AFF2: variants seen among roughly 807,000 people sequenced by gnomAD.
AFF2 encodes ALF transcription elongation factor 2.
A neutral mutation model predicts 76.9 loss-of-function variants in AFF2; 14 were observed. That is an observed-to-expected ratio of 0.18 (90% CI 0.12 to 0.28). The LOEUF (loss-of-function observed/expected upper bound fraction) is 0.28, where lower values mean the gene tolerates loss of function less well. AFF2 is among the 10% of genes least tolerant of loss of function. The pLI, the probability that AFF2 is intolerant of heterozygous loss-of-function variation, is 1.00. For synonymous variants in AFF2, 398 were observed against 366.7 expected (o/e 1.09, Z -0.98); for missense variants, 868 against 1,001.1 (o/e 0.87, Z 1.79).
chrX:148,907,528 G>A (rs1407412804), intron 9 of AFF2, among the ~76,000 whole-genome samples: 11 of 111,226 alleles, frequency 9.9e-5, no homozygotes, highest in Non-Finnish European at 1.3e-4. Flanking sequence ...GTCCGGGGGG[G>A]ACATCACATG....
intron 7 of AFF2, among the ~76,000 whole-genome samples, chrX:148,873,284 C>T (rs1428021046): frequency 9.1e-6 from 1 of 110,317 alleles, no homozygotes; most frequent in Non-Finnish European, 1.9e-5. Flanking sequence ...TCTAACCTCT[C>T]GTGTCATGGT....
intron 1 of AFF2, among the ~76,000 whole-genome samples, chrX:148,634,466 C>T (rs1162410875): frequency 9.0e-6 from 1 of 111,621 alleles, no homozygotes; most frequent in Non-Finnish European, 1.9e-5. Flanking sequence ...GTAATTAAAG[C>T]GTCTTGTGTC....
intron 8 of AFF2, among the ~76,000 whole-genome samples, chrX:148,886,788 C>G (rs1247997007): frequency 1.8e-5 from 2 of 112,288 alleles, no homozygotes; most frequent in African/African-American, 3.2e-5. Context: ...AATCCAGTAC[C>G]TGACCAAGAT....
chrX:148,602,227 G>A, intron 1 of AFF2, among the ~76,000 whole-genome samples: 1 of 111,495 alleles, frequency 9.0e-6, no homozygotes, highest in Middle Eastern at 4.6e-3. Context: ...GGCCAGTATT[G>A]GCAAGAAAAG....
At chrX:148,830,935 A>G (rs1473891450) in intron 4 of AFF2, among the ~76,000 whole-genome samples, 2 of 106,827 alleles carry the variant, frequency 1.9e-5, no homozygotes, top group African/African-American at 3.5e-5. Context: ...CTACAACTGT[A>G]AAAAAAAAAG....
At chrX:148,552,140 G>T (rs782395633) in intron 1 of AFF2, among the ~76,000 whole-genome samples, 1 of 112,579 alleles carries the variant, frequency 8.9e-6, no homozygotes, top group South Asian at 3.6e-4. Flanking sequence ...TTCCTTTGCT[G>T]ATTTTAATCT....
chrX:148,638,358 G>A (rs921256743), intron 1 of AFF2, among the ~76,000 whole-genome samples: 6 of 110,766 alleles, frequency 5.4e-5, no homozygotes, highest in Admixed American at 3.9e-4. Context: ...ATGGTGGCCC[G>A]GAGGGGAGAG....
At chrX:148,573,469 G>A (rs2053252011) in intron 1 of AFF2, among the ~76,000 whole-genome samples, 2 of 111,152 alleles carry the variant, frequency 1.8e-5, no homozygotes, top group Admixed American at 1.9e-4. Flanking sequence ...TGCGATAATC[G>A]ATACTAACCT....
Position 148,652,132 on chromosome X carries a change from G to A in AFF2, c.180+1G>A. The A allele has an allele frequency of 8.5e-7, 1 of 1,182,911 alleles. No individual in the cohort carries two copies. Among genetic ancestry groups the A allele is most frequent in the Non-Finnish European group, 1.1e-6 (1 of 877,174 alleles). On this transcript the variant is annotated splice_donor_variant, in intron 2 of 20. Coordinates refer to ENST00000370460, the MANE Select transcript of AFF2 (RefSeq NM_002025.4). LOFTEE classifies it high-confidence loss of function. ...GGAGCCATACAAGGTAGCTGAATAT[G>A]TATGTAATTTTTCTTTCTGGAAAAT...
intron 3 of AFF2, among the ~76,000 whole-genome samples, chrX:148,670,488 G>A (rs181110043): frequency 3.1e-4 from 35 of 111,870 alleles, no homozygotes; most frequent in Admixed American, 2.1e-3. Context: ...AAAATGTGAA[G>A]TATATTCTAA....
intron 3 of AFF2, among the ~76,000 whole-genome samples, chrX:148,717,275 C>G (rs1489847120): frequency 8.9e-6 from 1 of 111,900 alleles, no homozygotes; most frequent in Non-Finnish European, 1.9e-5. Flanking sequence ...ATAGATGAAC[C>G]ATAACAACAT....
intron 1 of AFF2, among the ~76,000 whole-genome samples, chrX:148,616,369 T>A (rs1321339277): frequency 9.0e-6 from 1 of 111,363 alleles, no homozygotes; most frequent in Non-Finnish European, 1.9e-5. Context: ...AAGGCACCAT[T>A]GCAACCCAAA....
At chrX:148,919,482 G>A (rs1208125171) in intron 9 of AFF2, among the ~76,000 whole-genome samples, 2 of 110,401 alleles carry the variant, frequency 1.8e-5, no homozygotes, top group Non-Finnish European at 3.8e-5. Context: ...AAAGCATATT[G>A]GGAAGCCTTC....
At chrX:148,638,150 C>G (rs1356561163) in intron 1 of AFF2, among the ~76,000 whole-genome samples, 2 of 111,599 alleles carry the variant, frequency 1.8e-5, no homozygotes, top group Admixed American at 1.9e-4. Context: ...TTGTATTAGT[C>G]TATTATTGTA....
chrX:148,672,496 G>T (rs1336901654), intron 3 of AFF2, among the ~76,000 whole-genome samples: 2 of 111,863 alleles, frequency 1.8e-5, no homozygotes, highest in Non-Finnish European at 3.8e-5. Flanking sequence ...GTGGCATTTG[G>T]TGTATGGTGT....
At chrX:148,777,013 A>G (rs2069676346) in intron 3 of AFF2, among the ~76,000 whole-genome samples, 1 of 111,994 alleles carries the variant, frequency 8.9e-6, no homozygotes, top group Admixed American at 9.4e-5. Context: ...TCTTTAATCC[A>G]TCTTGAGTTG....
rs183087701 is a variant in AFF2 at position 148,834,774 on chromosome X, G to A, written c.1087-2873G>A. ...AATATCCTTCAAGTGTTAATGAAAAGGATAACAATGGAATATCTGCTGTGA... is the reference window on the plus strand; with the variant it reads ...AATATCCTTCAAGTGTTAATGAAAAAGATAACAATGGAATATCTGCTGTGA... On this transcript the variant is annotated intron_variant, in intron 4 of 20. Coordinates refer to ENST00000370460, the MANE Select transcript of AFF2 (RefSeq NM_002025.4). Among the ~76,000 whole-genome samples, 7 of 111,471 alleles carry A rather than the reference G, an allele frequency of 6.3e-5. No homozygotes were observed. The East Asian group carries it at 2.0e-3, about 31-fold the overall frequency.
chrX:148,542,383 A>G (rs1015892344), intron 1 of AFF2, among the ~76,000 whole-genome samples: 2 of 110,256 alleles, frequency 1.8e-5, no homozygotes, highest in African/African-American at 6.6e-5. Context: ...TCTATGCTCA[A>G]TCCTTGCCAT....
In AFF2 at chrX:148,528,944, A is replaced by T. The variant is rs1322679672; in HGVS notation, c.47+27800A>T. Among the ~76,000 whole-genome samples, 3 of 111,318 alleles carry T rather than the reference A, an allele frequency of 2.7e-5. No homozygotes were observed. In the East Asian group the frequency reaches 8.5e-4, roughly 31 times the overall value. ...TTTCTTTCAGGTCATTAAAGTAAAA[A>T]TTTTGATTTAATGCGGATAAGTTAT... is the stretch of plus-strand genomic sequence containing the variant. On this transcript the variant is annotated intron_variant, in intron 1 of 20. Transcript: ENST00000370460.
Sources: allele counts gnomAD v4.1 joint callset (sites outside exome capture counted in the v4.1 genomes callset), GRCh38; gene constraint gnomAD v4.1.1; transcripts MANE v1.5; gene names NCBI Gene and HGNC (gene_info 2026-07-23, HGNC 2026-07-21).